Variants in LLGL1 observed in about 807,000 individuals in gnomAD.
LLGL1 encodes LLGL scribble cell polarity complex component 1.
A neutral mutation model predicts 110.6 loss-of-function variants in LLGL1; 58 were observed. The ratio of observed to expected loss-of-function variants is 0.52; its 90% CI spans 0.42 to 0.65. The LOEUF (loss-of-function observed/expected upper bound fraction) is 0.65. LLGL1 is among the 30% of genes least tolerant of loss of function. The pLI is 0.00. For missense variants in LLGL1, 1,229 were observed against 1,462.1 expected (o/e 0.84, Z 2.60); for synonymous variants, 674 against 607.2 (o/e 1.11, Z -1.62).
intron 11 of LLGL1, chr17:18,235,768 T>C: frequency 1.8e-6 from 1 of 545,352 alleles, no homozygotes; most frequent in South Asian, 2.3e-5. Flanking sequence ...ACCCCAGGGC[T>C]CCACCCGCCC....
chr17:18,225,699 T>A lies in LLGL1; in HGVS notation c.17T>A (p.Phe6Tyr). Residue 6 changes from phenylalanine (F) to tyrosine (Y), a missense_variant, in exon 1 of 23, where the codon TTC (phenylalanine) becomes TAC (tyrosine). Phe to Tyr is a conservative substitution (Grantham distance 22). Transcript: ENST00000316843. ...GGGCGCAAGATGATGAAGTTTCGGT[T>A]CCGGCGGCAGGGCGCCGACCCGCAG... MMKFR[F>Y]RRQGADPQRE... is the part of the protein sequence containing the mutation. The A allele has an allele frequency of 9.6e-7, 1 of 1,042,694 alleles. No homozygotes were observed. The highest frequency in any genetic ancestry group is 1.2e-6 in the Non-Finnish European group (1 of 857,878). The allele number at this position is 1,042,694 out of a possible 1,614,324, so 64.6% of individuals were successfully genotyped here. A position where few individuals can be genotyped will look rare whatever the true frequency, so the allele number is the denominator to read the frequency against.
Position 18,242,218 on chromosome 17 carries a change from A to G in LLGL1, c.2935A>G (p.Ile979Val). 6.2e-7 allele frequency: 1 copy of G among 1,614,060 alleles called. No individual in the cohort carries two copies. The highest frequency in any genetic ancestry group is 1.1e-5 in the South Asian group (1 of 91,080). ...GAGCCAGGCTAACGGGACCCCAAGC[A>G]TCCTGCTGGCCCCACAGAGCCTTGA... Reference protein sequence around the residue: ...KLSQANGTPSILLAPQSLDGS... With the variant: ...KLSQANGTPSVLLAPQSLDGS... The change falls in exon 20 of 23, where the codon ATC (isoleucine) becomes GTC (valine). Residue 979 changes from isoleucine (I) to valine (V), a missense_variant. Coordinates refer to ENST00000316843, the MANE Select transcript of LLGL1 (RefSeq NM_004140.4).
intron 20 of LLGL1, 59 bp from the exon 21 acceptor site, chr17:18,242,449 C>T (rs1172420342): frequency 4.2e-5 from 68 of 1,604,888 alleles, no homozygotes; most frequent in Non-Finnish European, 5.4e-5. Context: ...TGTCCCTAGG[C>T]CCCCAGGTGC....
At chr17:18,228,774 T>C (rs2047507207) in intron 1 of LLGL1, among the ~76,000 whole-genome samples, 1 of 152,058 alleles carries the variant, frequency 6.6e-6, no homozygotes, top group African/African-American at 2.4e-5. Context: ...CCCAGCCAAA[T>C]CGCCAACTCT....
chr17:18,243,370 G>A (rs2047896470), intron 22 of LLGL1, among the ~76,000 whole-genome samples: 2 of 152,222 alleles, frequency 1.3e-5, no homozygotes, highest in African/African-American at 2.4e-5. Context: ...GCCTCCCTAA[G>A]TCCTGGGATT....
rs981272607 is a variant in LLGL1 at position 18,242,833 on chromosome 17, G to T, written c.*1+11G>T. The T allele has an allele frequency of 4.5e-6, 7 of 1,545,160 alleles. No homozygotes were observed. In the African/African-American group the frequency reaches 9.6e-5, roughly 21 times the overall value. ...TCCTGATCAAATGAGGTGCTGCAGG[G>T]GTGGGGCCCTGGTCCTCACCACTGG... On this transcript the variant is annotated intron_variant, in intron 22 of 22. Coordinates refer to ENST00000316843, the MANE Select transcript of LLGL1 (RefSeq NM_004140.4).
intron 13 of LLGL1, 47 bp downstream of exon 13, chr17:18,236,986 T>C (rs770140432): frequency 6.8e-7 from 1 of 1,470,298 alleles, no homozygotes; most frequent in Admixed American, 1.8e-5. Context: ...GAGGGCTTTC[T>C]GGAAGAGATG....
At position 18,229,990 on chromosome 17, in the gene LLGL1, C is replaced by T. The variant is rs141705015; in HGVS notation, c.131C>T (p.Pro44Leu). ...PNQPSALAFDPELRIMAIGTR... is the reference protein window; with the variant it reads ...PNQPSALAFDLELRIMAIGTR... The stretch of plus-strand genomic sequence containing the variant: ...CAGCCCAGCGCCCTGGCCTTCGACC[C>T]GGAACTTCGCATCATGGCCATCGGC... The change falls in exon 2 of 23, where the codon CCG becomes CTG. Residue 44 changes from proline (P) to leucine (L), a missense_variant. By Grantham distance (98) the Pro-to-Leu change is moderately conservative. Coordinates refer to ENST00000316843, the MANE Select transcript of LLGL1 (RefSeq NM_004140.4). 5.4e-5 allele frequency: 87 copies of T among 1,612,200 alleles called. No homozygotes were observed. In the African/African-American group the frequency reaches 9.5e-4, roughly 18 times the overall value.
Position 18,238,065 on chromosome 17 carries a change from A to G in LLGL1, c.1905-2A>G. 1 of 1,613,448 alleles carries G rather than the reference A, an allele frequency of 6.2e-7. No homozygotes were observed. Among genetic ancestry groups the G allele is most frequent in the South Asian group, 1.1e-5 (1 of 90,968 alleles). ...GCACGACTGGACCCTGTCTTCCCCC[A>G]GGTGCACTCTTCACCCCAATGACTC... On this transcript the variant is annotated splice_acceptor_variant, in intron 14 of 22. Coordinates refer to ENST00000316843, the MANE Select transcript of LLGL1 (RefSeq NM_004140.4). LOFTEE classifies it high-confidence loss of function.
chr17:18,230,816 G>A (rs1009810766), intron 2 of LLGL1, among the ~76,000 whole-genome samples: 12 of 152,304 alleles, frequency 7.9e-5, no homozygotes, highest in African/African-American at 2.9e-4. Flanking sequence ...TGGGATGGGG[G>A]TCTCCTCACC....
chr17:18,226,019 T>TGCCAGTCTGTGTGTGTGGGGGTC (rs2047431844), intron 1 of LLGL1, among the ~76,000 whole-genome samples: 1 of 152,056 alleles, frequency 6.6e-6, no homozygotes, highest in South Asian at 2.1e-4. Flanking sequence ...GCCCTGGCTC[T>TGCCAGTCTGTGTGTGTGGGGGTC]GCCAGTCTGT....
intron 1 of LLGL1, 21 bp downstream of exon 1, chr17:18,225,784 C>T: frequency 4.1e-6 from 2 of 489,580 alleles, no homozygotes; most frequent in Non-Finnish European, 2.6e-6. Flanking sequence ...GGCCCGGGCC[C>T]GGGCTCGGGC....
In LLGL1 at chr17:18,240,340, A is replaced by T. The variant is rs760475596; in HGVS notation, c.2207-238A>T. Among the ~76,000 whole-genome samples, 4 of 152,062 alleles carry T rather than the reference A, an allele frequency of 2.6e-5. No homozygotes were observed. The highest frequency in any genetic ancestry group is 5.9e-5 in the Non-Finnish European group (4 of 68,014). On this transcript the variant is annotated intron_variant, in intron 16 of 22. Transcript: ENST00000316843. The surrounding 1 kb of genome is among the most constrained non-coding windows in gnomAD (Gnocchi z 5.3). ...CTACAGCTGTTCGGGCCTCTGCAGG[A>T]GGGCTGCATCCTGGGCTCCGACTGC...
chr17:18,238,202 T>G lies in LLGL1; in HGVS notation c.2040T>G (p.Asn680Lys). The stretch of plus-strand genomic sequence containing the variant: ...TCTCTGGCAAGAAGCGGGCTGCTAA[T>G]GCCAGCAGCAAGGTGAGCTGGGGTG... Reference protein sequence around the residue: ...SRVSGKKRAANASSKLQEANA... With the variant: ...SRVSGKKRAAKASSKLQEANA... The change falls in exon 15 of 23, where the codon AAT (asparagine) becomes AAG (lysine). Residue 680 changes from asparagine (N) to lysine (K), a missense_variant. Coordinates refer to ENST00000316843, the MANE Select transcript of LLGL1 (RefSeq NM_004140.4). 6.2e-7 allele frequency: 1 copy of G among 1,611,646 alleles called. No individual in the cohort carries two copies.
rs778319125 is a variant in LLGL1 at position 18,237,660 on chromosome 17, G to T, written c.1791G>T (p.Pro597=). ...FQPRVLVQCL[P]PAAVTAVTLH... is the part of the protein sequence containing the mutation. ...CCCGTGTCCTGGTGCAGTGCCTGCCGCCAGCTGCTGTAACCGCTGTCACAC... is the reference window on the plus strand; with the variant it reads ...CCCGTGTCCTGGTGCAGTGCCTGCCTCCAGCTGCTGTAACCGCTGTCACAC... Residue 597 remains proline (P), a synonymous_variant, in exon 14 of 23, where the codon CCG becomes CCT. Coordinates refer to ENST00000316843, the MANE Select transcript of LLGL1 (RefSeq NM_004140.4). 3.8e-5 allele frequency: 62 copies of T among 1,612,202 alleles called. No homozygotes were observed. The highest frequency in any genetic ancestry group is 1.1e-5 in the South Asian group (1 of 91,038).
Position 18,234,254 on chromosome 17 carries a change from T to TGCCCCTGCCTGCCC in LLGL1, c.715-16_715-3dup. ...CATGGCTCATGCCTGCCTGCCTGCC[T>TGCCCCTGCCTGCCC]GCCCCTGCCTGCCCGCAGCAGCTGG... On this transcript the variant is annotated intron_variant, in intron 6 of 22. Coordinates refer to ENST00000316843, the MANE Select transcript of LLGL1 (RefSeq NM_004140.4). 2 of 1,594,146 alleles carry TGCCCCTGCCTGCCC rather than the reference T, an allele frequency of 1.3e-6. No individual in the cohort carries two copies. The highest frequency in any genetic ancestry group is 2.3e-5 in the East Asian group (1 of 43,814).
At chr17:18,236,370 C>T (rs867823917) in intron 11 of LLGL1, 24 of 528,022 alleles carry the variant, frequency 4.5e-5, no homozygotes, top group Non-Finnish European at 8.1e-5. Context: ...GTCATTTCCA[C>T]CTTGTTTGGT....
Position 18,238,521 on chromosome 17 carries a change from G to C in LLGL1, c.2118G>C (p.Val706=), listed in dbSNP as rs765296735. ...CCCACGACGTGGAGATGACGCCCGT[G>C]CAGCGCCGCATTGAGCCCCGCTCTG... ...ACPHDVEMTP[V]QRRIEPRSAD... is the part of the protein sequence containing the mutation. The change falls in exon 16 of 23, where the codon GTG becomes GTC. Residue 706 remains valine, a synonymous_variant. Transcript: ENST00000316843. The C allele has an allele frequency of 1.2e-5, 20 of 1,612,596 alleles. No individual in the cohort carries two copies. The highest frequency in any genetic ancestry group is 3.3e-4 in the Middle Eastern group (2 of 5,994).
chr17:18,233,898 C>G lies in LLGL1; in HGVS notation c.513C>G (p.Leu171=), dbSNP rs368619980. 5 of 1,613,370 alleles carry G rather than the reference C, an allele frequency of 3.1e-6. No individual in the cohort carries two copies. The highest frequency in any genetic ancestry group is 4.2e-6 in the Non-Finnish European group (5 of 1,179,992). ...FFLDVTTLTL[L]EGQTLAPGEV... ...TGGATGTTACCACCCTGACCCTGCT[C>G]GAGGGGCAGACGCTTGCCCCAGGCG... The change falls in exon 5 of 23, where the codon CTC becomes CTG. Residue 171 remains leucine, a synonymous_variant. Transcript: ENST00000316843.
Sources: allele counts gnomAD v4.1 joint callset (sites outside exome capture counted in the v4.1 genomes callset), GRCh38; gene constraint gnomAD v4.1.1; non-coding constraint Gnocchi (gnomAD v3.1); transcripts MANE v1.5; gene names NCBI Gene and HGNC (gene_info 2026-07-23, HGNC 2026-07-21).